MON2: variants seen among roughly 807,000 people sequenced by gnomAD.
MON2 encodes MON2 regulator of endosome-to-Golgi trafficking.
A neutral mutation model predicts 208.6 loss-of-function variants in MON2; 84 were observed. The observed-to-expected ratio is 0.40, with a 90% CI of 0.34 to 0.48. MON2 has a LOEUF of 0.48. Ranked by LOEUF, MON2 falls within the 20% of genes least tolerant of loss-of-function variation. MON2 has a pLI of 0.59. For synonymous variants in MON2, 660 were observed against 694.0 expected, an observed-to-expected ratio of 0.95 and a Z score of 0.77; for missense variants, 1,611 against 2,015.4, an observed-to-expected ratio of 0.80 and a Z score of 3.84.
chr12:62,575,251 G>T (rs2074732902), intron 30 of MON2, among the ~76,000 whole-genome samples: 1 of 152,172 alleles, frequency 6.6e-6, no homozygotes, highest in Non-Finnish European at 1.5e-5. Flanking sequence ...ATACTTTAAG[G>T]CTCAAATTGA....
In MON2 at chr12:62,599,127, TTATAG is replaced by T. The variant is rs1375484539; in HGVS notation, c.*6379_*6383del. On this transcript the variant is annotated 3_prime_UTR_variant, in exon 35 of 35. Coordinates refer to ENST00000393630, the MANE Select transcript of MON2 (RefSeq NM_015026.3). ...GATGATCACTTTGGGAAAAAAAAAATTATAGAGTAAAGGGGAAATGTTCTTGAGAG... is the reference window on the plus strand; with the variant it reads ...GATGATCACTTTGGGAAAAAAAAAATAGTAAAGGGGAAATGTTCTTGAGAG... 6.6e-6 allele frequency: 1 copy of T among 151,832 alleles called. No individual in the cohort carries two copies. The highest frequency in any genetic ancestry group is 1.5e-5 in the Non-Finnish European group (1 of 67,932). 9.4% of individuals were successfully genotyped at this position (151,832 alleles called of 1,614,324 possible). A position where few individuals can be genotyped will look rare whatever the true frequency, so the allele number is the denominator to read the frequency against.
At chr12:62,567,509 C>A (rs1429010316) in intron 29 of MON2, among the ~76,000 whole-genome samples, 2 of 152,090 alleles carry the variant, frequency 1.3e-5, no homozygotes, top group African/African-American at 4.8e-5. Context: ...TACAAAAGAC[C>A]AAATCTTCAC....
rs764392284 is a variant in MON2, at chr12:62,501,565, T to G, written c.664-8T>G. ...TAGCATGTGAAATTGTTCGATTTAT[T>G]TTCCCAGGATCTTTGTCAGTTGGTT... On this transcript the variant is annotated splice_polypyrimidine_tract_variant and splice_region_variant and intron_variant, in intron 6 of 34. Transcript: ENST00000393630. 16 of 1,612,030 alleles carry G rather than the reference T, an allele frequency of 9.9e-6. No individual in the cohort carries two copies. The highest frequency in any genetic ancestry group is 1.4e-5 in the Non-Finnish European group (16 of 1,178,712).
intron 23 of MON2, among the ~76,000 whole-genome samples, chr12:62,550,299 G>A (rs1389585861): frequency 1.3e-5 from 2 of 152,134 alleles, no homozygotes; most frequent in Non-Finnish European, 2.9e-5. Context: ...GGAGGCTGAG[G>A]TGGGAGGATT....
chr12:62,489,892 A>C (rs1222312914), intron 2 of MON2: 2 of 315,932 alleles, frequency 6.3e-6, no homozygotes, highest in Non-Finnish European at 5.5e-6. Flanking sequence ...TTTGAGTATC[A>C]AAATAATGTC....
chr12:62,524,866 G>A (rs183067027), intron 9 of MON2, among the ~76,000 whole-genome samples: 110 of 152,274 alleles, frequency 7.2e-4, no homozygotes, highest in Non-Finnish European at 1.3e-3. Flanking sequence ...ATAGACATCA[G>A]TCTGAATTTA....
At chr12:62,482,822 A>G (rs1038177386) in intron 1 of MON2, 1 of 152,210 alleles carries the variant, frequency 6.6e-6, no homozygotes, top group Non-Finnish European at 1.5e-5. Flanking sequence ...GGTTGAGGCC[A>G]GTAGTTCAAG....
intron 1 of MON2, chr12:62,470,806 A>G (rs2068755176): frequency 2.1e-6 from 2 of 948,432 alleles, no homozygotes; most frequent in African/African-American, 1.8e-5. Context: ...AATAAATTTT[A>G]TACTGAAGAT....
intron 34 of MON2, chr12:62,588,949 C>T: frequency 7.7e-7 from 1 of 1,306,700 alleles, no homozygotes; most frequent in Non-Finnish European, 1.0e-6. Context: ...GAATGCAAAG[C>T]TTTTTTATGT....
chr12:62,532,329 G>C, intron 11 of MON2, 109 bp from the exon 12 acceptor site: 1 of 780,322 alleles, frequency 1.3e-6, no homozygotes, highest in Non-Finnish European at 2.1e-6. Context: ...TTTATTTTTT[G>C]CTATTCTGTT....
chr12:62,556,500 C>T (rs933305312), intron 25 of MON2, among the ~76,000 whole-genome samples: 1 of 152,156 alleles, frequency 6.6e-6, no homozygotes, highest in Non-Finnish European at 1.5e-5. Flanking sequence ...AAGTATTTGA[C>T]CTGGCCAGTG....
intron 32 of MON2, among the ~76,000 whole-genome samples, chr12:62,582,488 C>T (rs2075038764): frequency 6.6e-6 from 1 of 152,176 alleles, no homozygotes; most frequent in Non-Finnish European, 1.5e-5. Context: ...ATTAGGCATC[C>T]ACTTTACAGT....
intron 30 of MON2, among the ~76,000 whole-genome samples, chr12:62,576,929 A>G (rs748828893): frequency 1.6e-4 from 25 of 151,950 alleles, no homozygotes; most frequent in Middle Eastern, 6.8e-3. Flanking sequence ...TATACACACT[A>G]AAAGTATTAA....
chr12:62,507,009 C>T (rs1015965144), intron 7 of MON2, among the ~76,000 whole-genome samples: 15 of 152,198 alleles, frequency 9.9e-5, no homozygotes, highest in Non-Finnish European at 1.8e-4. Flanking sequence ...TATGATATAC[C>T]ATGGCTATAA....
Position 62,543,206 on chromosome 12 carries a change from C to G in MON2, c.2466+8C>G. 2.1e-6 allele frequency: 3 copies of G among 1,413,540 alleles called. No individual in the cohort carries two copies. Among genetic ancestry groups the G allele is most frequent in the Non-Finnish European group, 2.9e-6 (3 of 1,051,628 alleles). 87.6% of individuals were successfully genotyped at this position (1,413,540 alleles called of 1,614,324 possible). A position where few individuals can be genotyped will look rare whatever the true frequency, so the allele number is the denominator to read the frequency against. ...ACTGGCCATCTACTTGAGGTAAATT[C>G]TCTTTCTTAAATATATTTAATTTTT... On this transcript the variant is annotated splice_region_variant and intron_variant, in intron 20 of 34. Transcript: ENST00000393630.
rs147723697 is a variant in MON2 at position 62,491,937 on chromosome 12, T to C, written c.176-1978T>C. Among the ~76,000 whole-genome samples, 428 of 152,314 alleles carry C rather than the reference T, an allele frequency of 2.8e-3. 3 individuals are homozygous for C. Among genetic ancestry groups the C allele is most frequent in the Middle Eastern group, 6.8e-3 (2 of 294 alleles). ...TTTTATTGAAGCTTTATGAGGAGCT[T>C]TATGGTCATGATCTTTTAATCATTC... On this transcript the variant is annotated intron_variant, in intron 2 of 34. Transcript: ENST00000393630.
Position 62,588,009 on chromosome 12 carries a change from T to TA in MON2, c.4908-59dup, listed in dbSNP as rs752823920. 3.3e-5 allele frequency: 36 copies of TA among 1,078,064 alleles called. No individual in the cohort carries two copies. The Middle Eastern group carries it at 1.1e-3, about 33-fold the overall frequency. The allele number at this position is 1,078,064 out of a possible 1,614,324, so 66.8% of individuals were successfully genotyped here. A position where few individuals can be genotyped will look rare whatever the true frequency, so the allele number is the denominator to read the frequency against. Reference sequence around the variant, plus strand: ...TTCATCTATTTGTACAAACTTAGTTTAAAAAACAAACATACCTGGCAACTT... The same window carrying TA: ...TTCATCTATTTGTACAAACTTAGTTTAAAAAAACAAACATACCTGGCAACTT... On this transcript the variant is annotated intron_variant, in intron 33 of 34. Transcript: ENST00000393630.
intron 32 of MON2, among the ~76,000 whole-genome samples, chr12:62,584,734 T>C (rs1351417707): frequency 5.2e-5 from 7 of 134,478 alleles, no homozygotes; most frequent in Non-Finnish European, 1.1e-4. Context: ...AAAAAGGAGA[T>C]CTTGGAAGTG....
In MON2 at chr12:62,556,184, A is replaced by T. The variant is rs889739465; in HGVS notation, c.3401A>T (p.Gln1134Leu). ...TTCAACACTAGAAGATATTTGCTGC[A>T]GCCTTTAGGTATACGTACATTTTTT... Reference protein sequence around the residue: ...RIFNTRRYLLQPLGDFSRAWD... With the variant: ...RIFNTRRYLLLPLGDFSRAWD... The change falls in exon 25 of 35, where the codon CAG (glutamine) becomes CTG (leucine). Residue 1134 changes from glutamine to leucine, a missense_variant. Gln to Leu is a moderately radical substitution (Grantham distance 113). Coordinates refer to ENST00000393630, the MANE Select transcript of MON2 (RefSeq NM_015026.3). The T allele has an allele frequency of 6.2e-7, 1 of 1,613,848 alleles. No homozygotes were observed. The highest frequency in any genetic ancestry group is 8.5e-7 in the Non-Finnish European group (1 of 1,179,894).
Sources: allele counts gnomAD v4.1 joint callset (sites outside exome capture counted in the v4.1 genomes callset), GRCh38; gene constraint gnomAD v4.1.1; transcripts MANE v1.5; gene names NCBI Gene and HGNC (gene_info 2026-07-23, HGNC 2026-07-21).